ATP2B2: variants seen among roughly 807,000 people sequenced by gnomAD.
The protein encoded by ATP2B2 is plasma membrane calcium-transporting ATPase 2.
In ATP2B2, 15 loss-of-function variants were observed where a neutral mutation model predicts 120.0. The observed-to-expected ratio is 0.12, with a 90% CI of 0.08 to 0.19. The LOEUF is 0.19. Among genes scored for constraint, ATP2B2 ranks in the 10% least tolerant of loss-of-function variants. The probability of loss-of-function intolerance (pLI) is 1.00; values close to 1 mark genes in which losing one functional copy is unlikely to be tolerated. For missense variants in ATP2B2, 1,045 were observed against 1,719.8 expected (o/e 0.61, Z 6.94); for synonymous variants, 694 against 700.3 (o/e 0.99, Z 0.14).
At chr3:10,493,101 G>C (rs1027731177) in intron 1 of ATP2B2, among the ~76,000 whole-genome samples, 2 of 152,192 alleles carry the variant, frequency 1.3e-5, no homozygotes, top group African/African-American at 4.8e-5. Context: ...GAATACAGAA[G>C]TGAATGAGAC....
chr3:10,365,840 A>ACATGTG, intron 12 of ATP2B2, among the ~76,000 whole-genome samples: 1 of 376 alleles, frequency 2.7e-3, no homozygotes, highest in African/African-American at 6.6e-3. Flanking sequence ...TATGTGCATG[A>ACATGTG]TGGGTGGTGT....
At chr3:10,512,393 A>G (rs2066778790) in intron 3 of ATP2B2, among the ~76,000 whole-genome samples, 1 of 151,324 alleles carries the variant, frequency 6.6e-6, no homozygotes, top group Admixed American at 6.6e-5. Flanking sequence ...TCCAGCCTGA[A>G]TGGCTCAGAG....
chr3:10,470,914 G>A (rs2064959707), intron 1 of ATP2B2, among the ~76,000 whole-genome samples: 1 of 152,148 alleles, frequency 6.6e-6, no homozygotes. Context: ...ACAGCACATC[G>A]GATACTGACC....
chr3:10,517,638 T>C (rs1210527829), intron 3 of ATP2B2, among the ~76,000 whole-genome samples: 3 of 152,176 alleles, frequency 2.0e-5, no homozygotes, highest in African/African-American at 7.2e-5. Flanking sequence ...TAAGAAAGCC[T>C]TGAGGTGGAG....
At chr3:10,473,633 A>C (rs1453960480) in intron 1 of ATP2B2, among the ~76,000 whole-genome samples, 2 of 152,190 alleles carry the variant, frequency 1.3e-5, no homozygotes, top group African/African-American at 4.8e-5. Flanking sequence ...TCTGTCACAC[A>C]AAAAAAGTGC....
Position 10,517,164 on chromosome 3 carries a change from C to A in ATP2B2, c.-320+16875G>T, listed in dbSNP as rs542644766. The stretch of plus-strand genomic sequence containing the variant: ...ACTGCCTCGGTGAAGTGAGGACTCT[C>A]CTGCCAGCTCGGTGCAGGCCACAGC... On this transcript the variant is annotated intron_variant, in intron 3 of 21. Coordinates refer to the ATP2B2 transcript ENST00000646379. Among the ~76,000 whole-genome samples, 344 of 152,352 alleles carry A rather than the reference C, an allele frequency of 2.3e-3. 1 individual carries two copies. The highest frequency in any genetic ancestry group is 4.2e-3 in the Non-Finnish European group (289 of 68,034).
Position 10,410,769 on chromosome 3 carries a change from A to C in ATP2B2, c.246T>G (p.Phe82Leu), listed in dbSNP as rs747925050. 5 of 1,614,182 alleles carry C rather than the reference A, an allele frequency of 3.1e-6. No individual in the cohort carries two copies. Among genetic ancestry groups the C allele is most frequent in the Non-Finnish European group, 4.2e-6 (5 of 1,180,032 alleles). ...TCTTTGGAGGTATAAAGTTTTGCCC[A>C]AAAATTTGCTTTCTCTTTTCCAGGT... ...APDLEKRKQI[F>L]GQNFIPPKKP... The change falls in exon 3 of 23, where the codon TTT (phenylalanine) becomes TTG (leucine). Residue 82 changes from phenylalanine (F) to leucine (L), a missense_variant. Transcript: ENST00000360273.
At chr3:10,507,263 A>C (rs1260392885), upstream of ATP2B2, among the ~76,000 whole-genome samples, 1 of 152,150 alleles carries the variant, frequency 6.6e-6, no homozygotes, top group Non-Finnish European at 1.5e-5. Flanking sequence ...CAATAGCCCA[A>C]GACTGGGGGC....
intron 2 of ATP2B2, among the ~76,000 whole-genome samples, chr3:10,587,854 G>T (rs1311485024): frequency 1.3e-5 from 2 of 152,136 alleles, no homozygotes; most frequent in Admixed American, 1.3e-4. Context: ...TTAAGTGAAT[G>T]AATTTGGTTG....
At chr3:10,513,378 G>C (rs928691940) in intron 3 of ATP2B2, among the ~76,000 whole-genome samples, 2 of 152,180 alleles carry the variant, frequency 1.3e-5, no homozygotes, top group East Asian at 1.9e-4. Flanking sequence ...ATGGCTGGGG[G>C]AAAGTGTGGG....
At chr3:10,565,002 T>C (rs2067980898) in intron 2 of ATP2B2, among the ~76,000 whole-genome samples, 1 of 152,174 alleles carries the variant, frequency 6.6e-6, no homozygotes, top group African/African-American at 2.4e-5. Flanking sequence ...AGAAATAATA[T>C]GTGTCACTTC....
intron 1 of ATP2B2, among the ~76,000 whole-genome samples, chr3:10,490,558 G>A (rs2065897298): frequency 6.6e-6 from 1 of 152,058 alleles, no homozygotes; most frequent in African/African-American, 2.4e-5. Context: ...ACGCCACCAT[G>A]CCTGGCTAAT....
chr3:10,667,462 A>C (rs1357147199), intron 1 of ATP2B2, among the ~76,000 whole-genome samples: 3 of 152,230 alleles, frequency 2.0e-5, no homozygotes, highest in Non-Finnish European at 2.9e-5. Context: ...AGGCTGGGTG[A>C]GAACGCATCC....
intron 1 of ATP2B2, among the ~76,000 whole-genome samples, chr3:10,464,750 G>T (rs573957780): frequency 6.6e-6 from 1 of 152,234 alleles, no homozygotes; most frequent in Non-Finnish European, 1.5e-5. Context: ...GGAGGAAAAT[G>T]TGAGTTAATG....
At chr3:10,568,077 C>G (rs1017994949) in intron 2 of ATP2B2, among the ~76,000 whole-genome samples, 1 of 152,176 alleles carries the variant, frequency 6.6e-6, no homozygotes, top group Non-Finnish European at 1.5e-5. Context: ...AGGCTCTGTC[C>G]CTCAGCAGAG....
rs900929344 is a variant in ATP2B2, at chr3:10,547,414, G to C, written c.-414-13281C>G. Among the ~76,000 whole-genome samples, 3 of 152,154 alleles carry C rather than the reference G, an allele frequency of 2.0e-5. No individual in the cohort carries two copies. The East Asian group carries it at 5.8e-4, about 29-fold the overall frequency. ...TCACATTCCTGGCCCTTGAGGATTT[G>C]ACCACACGCAACAGGGAGAAAGGAT... On this transcript the variant is annotated intron_variant, in intron 2 of 21. Transcript: ENST00000646379.
At position 10,375,310 on chromosome 3, in the gene ATP2B2, C is replaced by T; in HGVS notation, c.1416+120G>A. On this transcript the variant is annotated intron_variant, in intron 11 of 22. Transcript: ENST00000360273. This position sits in a 1 kb window ranked among gnomAD's most constrained non-coding sequence, Gnocchi z 4.2. Reference sequence around the variant, plus strand: ...CTGCATACATTCTTCTTCCAAGCTCCTAGGGGGTCTATGGGGCTTCTTCGT... The same window carrying T: ...CTGCATACATTCTTCTTCCAAGCTCTTAGGGGGTCTATGGGGCTTCTTCGT... The T allele has an allele frequency of 2.4e-6, 2 of 840,462 alleles. No individual in the cohort carries two copies. The highest frequency in any genetic ancestry group is 1.4e-5 in the South Asian group (1 of 69,012). The allele number at this position is 840,462 out of a possible 1,614,324, so 52.1% of individuals were successfully genotyped here.
At chr3:10,607,357 C>G (rs184178167) in intron 2 of ATP2B2, among the ~76,000 whole-genome samples, 1 of 152,216 alleles carries the variant, frequency 6.6e-6, no homozygotes, top group Non-Finnish European at 1.5e-5. Context: ...CCCAGACCTC[C>G]AGCCCTGGAC....
At chr3:10,513,580 G>C (rs1245438815) in intron 3 of ATP2B2, among the ~76,000 whole-genome samples, 1 of 152,132 alleles carries the variant, frequency 6.6e-6, no homozygotes, top group African/African-American at 2.4e-5. Flanking sequence ...CTTGCCTTCC[G>C]CAGGTCCTAT....
Sources: gnomAD v4.1 joint callset for allele counts (sites outside exome capture counted in the v4.1 genomes callset) on GRCh38, gnomAD v4.1.1 for gene constraint, Gnocchi (gnomAD v3.1) non-coding constraint, MANE v1.5 for transcripts, NCBI Gene and HGNC (gene_info 2026-07-23, HGNC 2026-07-21) for gene names.